NDUFS4: variants seen among roughly 807,000 people sequenced by gnomAD.
NDUFS4 encodes the protein NADH:ubiquinone oxidoreductase subunit S4.
Under a neutral mutation model 24.3 loss-of-function variants are expected in NDUFS4, and 28 were observed. The observed-to-expected ratio is 1.15, with a 90% CI of 0.85 to 1.58. The LOEUF (loss-of-function observed/expected upper bound fraction) is 1.58. NDUFS4 is among the 40% of genes most tolerant of loss of function. The pLI, the probability that NDUFS4 is intolerant of heterozygous loss-of-function variation, is 0.00. For synonymous variants in NDUFS4, 93 were observed against 69.7 expected (o/e 1.34, Z -1.67); for missense variants, 223 against 207.9 (o/e 1.07, Z -0.45).
At chr5:53,658,505 G>A (rs1454135224) in intron 3 of NDUFS4, 46 bp from the exon 4 acceptor site, 2 of 1,325,918 alleles carry the variant, frequency 1.5e-6, no homozygotes, top group Non-Finnish European at 1.1e-6. Context: ...TTGTTTCTCA[G>A]CTAAAGCTTA....
chr5:53,595,241 A>T (rs1390960088), intron 1 of NDUFS4, among the ~76,000 whole-genome samples: 2 of 152,030 alleles, frequency 1.3e-5, no homozygotes, highest in Admixed American at 6.6e-5. Flanking sequence ...ATTTTTTATG[A>T]ATTTTTTCTT....
At chr5:53,627,900 C>T (rs908493478) in intron 2 of NDUFS4, among the ~76,000 whole-genome samples, 90 of 152,224 alleles carry the variant, frequency 5.9e-4, no homozygotes, top group African/African-American at 2.1e-3. Flanking sequence ...TTGCCCTGAC[C>T]AGAGCTTCCA....
rs1751860698 is a variant in NDUFS4, at chr5:53,646,289, G to T, written c.234G>T (p.Arg78Ser). ...PEEHIKTRKV[R>S]IFVPARNNMQ... ...AGCATATAAAAACTAGAAAAGTCAG[G>T]ATCTTTGTTCCTGCTCGCAATAACA... Residue 78 changes from arginine (R) to serine (S), a missense_variant, in exon 3 of 5, where the codon AGG becomes AGT. Transcript: ENST00000296684. 6.2e-7 allele frequency: 1 copy of T among 1,613,338 alleles called. No homozygotes were observed. The highest frequency in any genetic ancestry group is 8.5e-7 in the Non-Finnish European group (1 of 1,179,528).
intron 1 of NDUFS4, among the ~76,000 whole-genome samples, chr5:53,576,233 G>A (rs559683847): frequency 2.0e-5 from 3 of 152,182 alleles, no homozygotes; most frequent in Non-Finnish European, 4.4e-5. Context: ...ACAGTGTTTT[G>A]TTTATACTCG....
At chr5:53,606,436 C>G (rs1017759283) in intron 2 of NDUFS4, among the ~76,000 whole-genome samples, 1 of 151,966 alleles carries the variant, frequency 6.6e-6, no homozygotes, top group Non-Finnish European at 1.5e-5. Context: ...GGCGCGATCT[C>G]GGCTCACTGC....
intron 3 of NDUFS4, among the ~76,000 whole-genome samples, chr5:53,650,635 A>G (rs1326310900): frequency 6.6e-6 from 1 of 152,318 alleles, no homozygotes; most frequent in East Asian, 1.9e-4. Flanking sequence ...TTCTGGAATG[A>G]GGGTCTTAGG....
intron 1 of NDUFS4, chr5:53,573,555 TG>T: frequency 2.2e-6 from 1 of 451,182 alleles, no homozygotes; most frequent in South Asian, 1.6e-5. Flanking sequence ...GGGGGAGCTG[TG>T]GTAAAGAGCA....
At chr5:53,671,519 T>C (rs1430849297) in intron 4 of NDUFS4, among the ~76,000 whole-genome samples, 1 of 152,206 alleles carries the variant, frequency 6.6e-6, no homozygotes, top group Non-Finnish European at 1.5e-5. Context: ...GCTCAGCATC[T>C]ATTCCAAAGG....
At chr5:53,669,278 A>G (rs1009136560) in intron 4 of NDUFS4, among the ~76,000 whole-genome samples, 1 of 152,174 alleles carries the variant, frequency 6.6e-6, no homozygotes, top group Non-Finnish European at 1.5e-5. Flanking sequence ...TGATAATTCA[A>G]AGTTCTTCAC....
intron 4 of NDUFS4, among the ~76,000 whole-genome samples, chr5:53,659,132 T>TG (rs1752249493): frequency 6.6e-6 from 1 of 152,206 alleles, no homozygotes; most frequent in South Asian, 2.1e-4. Flanking sequence ...CTAGATATAG[T>TG]GGGCCTAATA....
intron 4 of NDUFS4, among the ~76,000 whole-genome samples, chr5:53,659,701 G>A (rs1459870954): frequency 6.6e-6 from 1 of 152,238 alleles, no homozygotes; most frequent in Middle Eastern, 3.4e-3. Context: ...ATAAAAATAA[G>A]AAATTAGTGT....
chr5:53,570,912 G>T (rs1360928659), intron 1 of NDUFS4, among the ~76,000 whole-genome samples: 1 of 151,810 alleles, frequency 6.6e-6, no homozygotes, highest in East Asian at 1.9e-4. Flanking sequence ...TCGAACTCCT[G>T]ACCTTAGGTG....
At chr5:53,610,721 C>T (rs2112466278) in intron 2 of NDUFS4, among the ~76,000 whole-genome samples, 1 of 152,178 alleles carries the variant, frequency 6.6e-6, no homozygotes, top group Admixed American at 6.5e-5. Context: ...CTTCTCTTTT[C>T]TGGGTTAAAC....
intron 3 of NDUFS4, among the ~76,000 whole-genome samples, chr5:53,651,832 G>A (rs1185955417): frequency 6.7e-6 from 1 of 149,476 alleles, no homozygotes; most frequent in East Asian, 2.0e-4. Context: ...GGAGTGCAGT[G>A]GGCGATCTCG....
intron 4 of NDUFS4, among the ~76,000 whole-genome samples, chr5:53,661,356 GTA>G (rs571838985): frequency 6.6e-6 from 1 of 151,998 alleles, no homozygotes. Context: ...TTCCATTGGT[GTA>G]TATCTCTGTT....
chr5:53,582,966 A>G (rs1453131531), intron 1 of NDUFS4, among the ~76,000 whole-genome samples: 3 of 152,050 alleles, frequency 2.0e-5, no homozygotes, highest in African/African-American at 7.2e-5. Context: ...CAGTGGCACG[A>G]TCTCGGCTCA....
Position 53,661,082 on chromosome 5 carries a change from A to G in NDUFS4, c.424+2458A>G, listed in dbSNP as rs561779705. On this transcript the variant is annotated intron_variant, in intron 4 of 4. Transcript: ENST00000296684. ...AGACATGAAGTCCTTGCCCATGCCTATGTCCTGAATGGTATTGCCTAGGTT... is the reference window on the plus strand; with the variant it reads ...AGACATGAAGTCCTTGCCCATGCCTGTGTCCTGAATGGTATTGCCTAGGTT... Among the ~76,000 whole-genome samples, 1,406 of 152,284 alleles carry G rather than the reference A, an allele frequency of 9.2e-3. 16 individuals are homozygous for G. Among genetic ancestry groups the G allele is most frequent in the African/African-American group, 0.032 (1,332 of 41,546 alleles).
chr5:53,600,499 G>A (rs1750277698), intron 1 of NDUFS4, among the ~76,000 whole-genome samples: 2 of 152,020 alleles, frequency 1.3e-5, no homozygotes, highest in African/African-American at 4.8e-5. Flanking sequence ...AGTAGAGGTG[G>A]GGTTTTGTCA....
At chr5:53,656,096 C>T (rs1256123120) in intron 3 of NDUFS4, among the ~76,000 whole-genome samples, 5 of 151,934 alleles carry the variant, frequency 3.3e-5, no homozygotes, top group Non-Finnish European at 7.4e-5. Flanking sequence ...CTTGAGTTCT[C>T]GATGCTCCTA....
Sources: gnomAD v4.1 joint callset for allele counts (sites outside exome capture counted in the v4.1 genomes callset) on GRCh38, gnomAD v4.1.1 for gene constraint, MANE v1.5 for transcripts, NCBI Gene and HGNC (gene_info 2026-07-23, HGNC 2026-07-21) for gene names.